Variants in SCN9A observed in about 807,000 individuals in gnomAD.
SCN9A encodes the protein sodium channel protein type 9 subunit alpha.
In SCN9A, 131 loss-of-function variants were observed where a neutral mutation model predicts 187.0. That is an observed-to-expected ratio of 0.70 (90% CI 0.61 to 0.81). SCN9A has a LOEUF of 0.81. SCN9A is among the 30% of genes least tolerant of loss of function. The pLI is 0.00. For missense variants in SCN9A, 2,252 were observed against 2,396.6 expected, an observed-to-expected ratio of 0.94 and a Z score of 1.26; for synonymous variants, 809 against 808.6, an observed-to-expected ratio of 1.00 and a Z score of -0.01.
At chr2:166,297,221 A>AAAAAAAAAAAC (rs1698352697) in intron 7 of SCN9A, among the ~76,000 whole-genome samples, 3 of 138,670 alleles carry the variant, frequency 2.2e-5, no homozygotes, top group Non-Finnish European at 4.7e-5. Flanking sequence ...AAAAAAAAAA[A>AAAAAAAAAAAC]AAAAAAGAAC....
intron 16 of SCN9A, among the ~76,000 whole-genome samples, chr2:166,273,580 A>G (rs1042057933): frequency 1.3e-5 from 2 of 152,204 alleles, no homozygotes; most frequent in East Asian, 1.9e-4. Flanking sequence ...GACAATTTCT[A>G]TTCTCTTGAA....
intron 1 of SCN9A, among the ~76,000 whole-genome samples, chr2:166,346,449 T>C (rs1699902874): frequency 6.6e-6 from 1 of 152,158 alleles, no homozygotes; most frequent in Admixed American, 6.6e-5. Flanking sequence ...AACTCAATAC[T>C]GTCCAGTAGA....
At chr2:166,319,860 A>G (rs1461558293) in intron 1 of SCN9A, among the ~76,000 whole-genome samples, 6 of 152,110 alleles carry the variant, frequency 3.9e-5, no homozygotes. Context: ...CTGACCCCTT[A>G]TCTTACATTG....
chr2:166,231,039 A>T (rs1401689057), intron 21 of SCN9A, among the ~76,000 whole-genome samples: 1 of 152,098 alleles, frequency 6.6e-6, no homozygotes. Context: ...AACAAATGTA[A>T]CTAAATAGAC....
intron 1 of SCN9A, among the ~76,000 whole-genome samples, chr2:166,314,395 A>T (rs1235182402): frequency 1.3e-5 from 2 of 152,214 alleles, no homozygotes; most frequent in Non-Finnish European, 2.9e-5. Context: ...TCATATACAC[A>T]TTCAAAAGTA....
intron 26 of SCN9A, among the ~76,000 whole-genome samples, chr2:166,200,815 T>G (rs867388664): frequency 6.6e-6 from 1 of 152,110 alleles, no homozygotes; most frequent in South Asian, 2.1e-4. Context: ...TTTGTGTTTT[T>G]GGTAGGGACG....
intron 24 of SCN9A, among the ~76,000 whole-genome samples, chr2:166,223,536 A>C (rs1174201128): frequency 6.6e-6 from 1 of 152,244 alleles, no homozygotes; most frequent in Non-Finnish European, 1.5e-5. Flanking sequence ...AAACTCATGG[A>C]AACAGAGAGA....
At chr2:166,288,253 G>A (rs1191193332) in intron 10 of SCN9A, among the ~76,000 whole-genome samples, 184 bp downstream of exon 10, 1 of 151,684 alleles carries the variant, frequency 6.6e-6, no homozygotes, top group Non-Finnish European at 1.5e-5. Context: ...TATGGGGAAA[G>A]TATCAATTCT....
At chr2:166,234,907 G>A (rs764289700) in intron 20 of SCN9A, among the ~76,000 whole-genome samples, 17 of 152,084 alleles carry the variant, frequency 1.1e-4, no homozygotes, top group South Asian at 2.1e-4. Context: ...TAGAGTAAGG[G>A]CTTAATGGGT....
intron 1 of SCN9A, among the ~76,000 whole-genome samples, chr2:166,326,851 T>A (rs763698303): frequency 2.4e-4 from 36 of 152,176 alleles, no homozygotes; most frequent in Non-Finnish European, 4.1e-4. Context: ...TGTTTGGAAA[T>A]CCTGCACTTT....
rs13414203 is a variant in SCN9A at position 166,288,632 on chromosome 2, A to G, written c.1119T>C (p.Ala373=). 612,460 of 1,588,578 alleles carry G rather than the reference A, an allele frequency of 0.39. 119,439 individuals carry two copies. The highest frequency in any genetic ancestry group is 0.4 in the Non-Finnish European group (461,303 of 1,164,186). ...WENLYQQTLR[A]AGKTYMIFFV... ...AGAAGATCATGTAGGTTTTGCCAGC[A>G]GCACGCAGCGTCTAGGGAAAAATGG... The change falls in exon 10 of 27, where the codon GCT becomes GCC. Residue 373 remains alanine, a synonymous_variant. Transcript: ENST00000642356.
Position 166,290,373 on chromosome 2 carries a change from A to G in SCN9A, c.1108-1730T>C, listed in dbSNP as rs527968339. Reference sequence around the variant, plus strand: ...TGCTATTGTAAATAGTACTGCAATAAACATATGTGTGCATGTGTCTTTGTA... The same window carrying G: ...TGCTATTGTAAATAGTACTGCAATAGACATATGTGTGCATGTGTCTTTGTA... On this transcript the variant is annotated intron_variant, in intron 9 of 26. Coordinates refer to ENST00000642356, the MANE Select transcript of SCN9A (RefSeq NM_001365536.1). Among the ~76,000 whole-genome samples the G allele has an allele frequency of 2.0e-5, 3 of 152,278 alleles. No individual in the cohort carries two copies. The South Asian group carries it at 6.2e-4, about 32-fold the overall frequency.
At chr2:166,368,686 T>TTA (rs1553507427) in intron 1 of SCN9A, among the ~76,000 whole-genome samples, 26 of 134,588 alleles carry the variant, frequency 1.9e-4, no homozygotes, top group African/African-American at 6.4e-4. Context: ...GAAACTTAAT[T>TTA]AAAAAAAAAA....
chr2:166,337,681 C>T (rs950396677), intron 1 of SCN9A, among the ~76,000 whole-genome samples: 5 of 151,938 alleles, frequency 3.3e-5, no homozygotes, highest in East Asian at 1.9e-4. Context: ...TGGATATGGT[C>T]GTATGTATAT....
intron 1 of SCN9A, among the ~76,000 whole-genome samples, chr2:166,344,807 T>C (rs1469758540): frequency 6.6e-6 from 1 of 152,142 alleles, no homozygotes; most frequent in Non-Finnish European, 1.5e-5. Context: ...ACTGACATCA[T>C]AGCTGTATGA....
chr2:166,354,249 G>A (rs956800105), intron 1 of SCN9A, among the ~76,000 whole-genome samples: 2 of 151,968 alleles, frequency 1.3e-5, no homozygotes, highest in African/African-American at 4.8e-5. Context: ...GCTGATATGT[G>A]CAAAAAATAT....
intron 18 of SCN9A, among the ~76,000 whole-genome samples, chr2:166,244,330 C>G (rs1397207220): frequency 6.6e-6 from 1 of 151,936 alleles, no homozygotes; most frequent in Non-Finnish European, 1.5e-5. Context: ...CATTCTGAAA[C>G]AACAATATTA....
chr2:166,271,909 A>T (rs1393439996), intron 17 of SCN9A, among the ~76,000 whole-genome samples: 1 of 152,110 alleles, frequency 6.6e-6, no homozygotes, highest in African/African-American at 2.4e-5. Context: ...TTTGCGGATC[A>T]TGGATACATC....
intron 1 of SCN9A, among the ~76,000 whole-genome samples, chr2:166,374,039 G>C (rs1279784534): frequency 1.3e-5 from 2 of 152,052 alleles, no homozygotes; most frequent in African/African-American, 4.8e-5. Context: ...CACAGCAACA[G>C]GTAGTAAAAA....
Sources: gnomAD v4.1 joint callset for allele counts (sites outside exome capture counted in the v4.1 genomes callset) on GRCh38, gnomAD v4.1.1 for gene constraint, MANE v1.5 for transcripts, NCBI Gene and HGNC (gene_info 2026-07-23, HGNC 2026-07-21) for gene names.